Variants in PDE4D observed in about 807,000 individuals in gnomAD.
PDE4D encodes the protein 3',5'-cyclic-AMP phosphodiesterase 4D.
Under a neutral mutation model 87.4 loss-of-function variants are expected in PDE4D, and 24 were observed. That is an observed-to-expected ratio of 0.27 (90% confidence interval 0.20 to 0.39). PDE4D has a LOEUF of 0.39. PDE4D is among the 10% of genes least tolerant of loss of function. The pLI is 1.00. For missense variants in PDE4D, 714 were observed against 1,041.0 expected (o/e 0.69, Z 4.32); for synonymous variants, 384 against 383.2 (o/e 1.00, Z -0.02).
At chr5:60,360,652 T>C (rs1420340255) in intron 1 of PDE4D, among the ~76,000 whole-genome samples, 1 of 152,202 alleles carries the variant, frequency 6.6e-6, no homozygotes. Flanking sequence ...TAATTAAGCT[T>C]AAATTTAAGT....
chr5:59,875,233 G>A (rs949726514), intron 1 of PDE4D, among the ~76,000 whole-genome samples: 6 of 151,822 alleles, frequency 4.0e-5, no homozygotes, highest in African/African-American at 9.7e-5. Context: ...AGGCCGAGGC[G>A]GGCGGATCAC....
intron 1 of PDE4D, among the ~76,000 whole-genome samples, chr5:60,230,316 C>G (rs1745649078): frequency 6.6e-6 from 1 of 151,982 alleles, no homozygotes; most frequent in South Asian, 2.1e-4. Context: ...AGAAATCATT[C>G]AATAAAATTA....
At chr5:59,740,929 T>C (rs1290910659) in intron 1 of PDE4D, among the ~76,000 whole-genome samples, 2 of 152,208 alleles carry the variant, frequency 1.3e-5, no homozygotes, top group Non-Finnish European at 2.9e-5. Flanking sequence ...TTGCATTCAA[T>C]GCACCTAGTG....
At chr5:59,529,082 T>C in intron 1 of PDE4D, 1 of 465,014 alleles carries the variant, frequency 2.2e-6, no homozygotes, top group East Asian at 5.8e-5. Flanking sequence ...CTATGCAAGA[T>C]CAGCAAATGT....
chr5:59,061,589 C>T (rs1344335002), intron 5 of PDE4D, among the ~76,000 whole-genome samples: 1 of 152,004 alleles, frequency 6.6e-6, no homozygotes, highest in Admixed American at 6.6e-5. Flanking sequence ...ACCAGGGGAC[C>T]CAATTTTCAT....
intron 1 of PDE4D, among the ~76,000 whole-genome samples, chr5:59,824,279 C>A (rs1055296260): frequency 2.6e-5 from 4 of 151,988 alleles, no homozygotes; most frequent in Non-Finnish European, 4.4e-5. Flanking sequence ...CCTTGAAATC[C>A]AATGTGAACG....
intron 2 of PDE4D, among the ~76,000 whole-genome samples, chr5:60,010,289 A>C (rs558186659): frequency 6.6e-6 from 1 of 152,290 alleles, no homozygotes; most frequent in East Asian, 1.9e-4. Context: ...AGTAATTGTG[A>C]AGATTCAGTG....
At chr5:59,315,987 A>C (rs991895743) in intron 1 of PDE4D, among the ~76,000 whole-genome samples, 1 of 152,144 alleles carries the variant, frequency 6.6e-6, no homozygotes, top group African/African-American at 2.4e-5. Flanking sequence ...CCAGTTGCCC[A>C]CTTGGTCCCT....
chr5:60,163,457 A>T (rs973635322), intron 2 of PDE4D, among the ~76,000 whole-genome samples: 1 of 152,110 alleles, frequency 6.6e-6, no homozygotes, highest in Non-Finnish European at 1.5e-5. Context: ...CCTCTTTATA[A>T]TAGGAAATGT....
chr5:59,224,796 A>G (rs1446244196), intron 1 of PDE4D, among the ~76,000 whole-genome samples: 2 of 152,178 alleles, frequency 1.3e-5, no homozygotes, highest in African/African-American at 2.4e-5. Context: ...TCTCTTCACC[A>G]TGTGAGGACA....
chr5:60,469,365 C>A (rs1028617246), intron 1 of PDE4D, among the ~76,000 whole-genome samples: 1 of 152,180 alleles, frequency 6.6e-6, no homozygotes, highest in Non-Finnish European at 1.5e-5. Context: ...TCTTCATACC[C>A]CATAGGCAAC....
rs181916922 is a variant in PDE4D, at chr5:59,288,480, A to G, written c.456-72512T>C. On this transcript the variant is annotated intron_variant, in intron 1 of 14. Coordinates refer to ENST00000340635, the MANE Select transcript of PDE4D (RefSeq NM_001104631.2). ...AAAATAGTCTCAAAAGGGCAAATCTAAGAGTTATTGACCTTAAAAAAAAGT... is the reference window on the plus strand; with the variant it reads ...AAAATAGTCTCAAAAGGGCAAATCTGAGAGTTATTGACCTTAAAAAAAAGT... Among the ~76,000 whole-genome samples the G allele has an allele frequency of 4.7e-3, 711 of 152,188 alleles. 4 individuals are homozygous for G. The highest frequency in any genetic ancestry group is 9.4e-3 in the Admixed American group (143 of 15,282).
intron 1 of PDE4D, among the ~76,000 whole-genome samples, chr5:59,402,978 T>G (rs1256840428): frequency 1.3e-5 from 2 of 152,210 alleles, no homozygotes; most frequent in African/African-American, 2.4e-5. Context: ...CCAAATGATG[T>G]GCCATAATTA....
Position 59,374,179 on chromosome 5 carries a change from A to G in PDE4D, c.456-158211T>C, listed in dbSNP as rs142131732. ...CAGAATCAAATTCACACATAACAATATTAACCTTAAATGTAAATGGACTAA... is the reference window on the plus strand; with the variant it reads ...CAGAATCAAATTCACACATAACAATGTTAACCTTAAATGTAAATGGACTAA... On this transcript the variant is annotated intron_variant, in intron 1 of 14. Transcript: ENST00000340635. Among the ~76,000 whole-genome samples, 450 of 152,330 alleles carry G rather than the reference A, an allele frequency of 3.0e-3. 3 individuals are homozygous for G. The highest frequency in any genetic ancestry group is 0.01 in the African/African-American group (433 of 41,580).
intron 1 of PDE4D, among the ~76,000 whole-genome samples, chr5:59,727,686 AG>A (rs975170685): frequency 6.6e-6 from 1 of 152,066 alleles, no homozygotes; most frequent in Non-Finnish European, 1.5e-5. Flanking sequence ...TCTACTGGTA[AG>A]GTGCTGGTGG....
In PDE4D at chr5:60,245,373, G is replaced by A. The variant is rs140650795; in HGVS notation, c.-89-59686C>T. Among the ~76,000 whole-genome samples, 1,079 of 151,976 alleles carry A rather than the reference G, an allele frequency of 7.1e-3. 7 individuals are homozygous for A. Among genetic ancestry groups the A allele is most frequent in the Non-Finnish European group, 0.011 (743 of 67,870 alleles). On this transcript the variant is annotated intron_variant, in intron 1 of 16. Coordinates refer to the PDE4D transcript ENST00000502484. ...TACAACCACTGTGGAGAACAGTTTG[G>A]AGGTTCCTCAAAAAATTAAAAATAG...
chr5:59,130,792 T>C lies in PDE4D; in HGVS notation c.808+49803A>G, dbSNP rs545473670. ...CCTGCCCTTACCTACCTAGTAAAAA[T>C]TTTGTACCCAATCAATACCTTAGTC... On this transcript the variant is annotated intron_variant, in intron 5 of 14. Coordinates refer to ENST00000340635, the MANE Select transcript of PDE4D (RefSeq NM_001104631.2). 5.9e-5 allele frequency among the ~76,000 whole-genome samples: 9 copies of C among 152,328 alleles called. No homozygotes were observed. The South Asian group carries it at 1.4e-3, about 25-fold the overall frequency.
chr5:60,512,345 G>C (rs149475853), intron 1 of PDE4D, among the ~76,000 whole-genome samples: 1 of 152,032 alleles, frequency 6.6e-6, no homozygotes, highest in Non-Finnish European at 1.5e-5. Context: ...TCCTAGAATT[G>C]TTTTGATAGT....
At chr5:59,247,808 C>A (rs1759145861) in intron 1 of PDE4D, among the ~76,000 whole-genome samples, 1 of 151,952 alleles carries the variant, frequency 6.6e-6, no homozygotes, top group South Asian at 2.1e-4. Flanking sequence ...ACCACACCAT[C>A]CTGCTGCAGT....
Sources: gnomAD v4.1 joint callset for allele counts (sites outside exome capture counted in the v4.1 genomes callset) on GRCh38, gnomAD v4.1.1 for gene constraint, MANE v1.5 for transcripts, NCBI Gene and HGNC (gene_info 2026-07-23, HGNC 2026-07-21) for gene names.